LTBP1: variants seen among roughly 807,000 people sequenced by gnomAD.
The protein encoded by LTBP1 is latent transforming growth factor beta binding protein 1.
Under a neutral mutation model 207.6 loss-of-function variants are expected in LTBP1, and 129 were observed. The observed-to-expected ratio is 0.62, with a 90% CI of 0.54 to 0.72. The LOEUF (loss-of-function observed/expected upper bound fraction) is 0.72. Among genes scored for constraint, LTBP1 ranks in the 30% least tolerant of loss-of-function variants. The probability of loss-of-function intolerance (pLI) is 0.00; values close to 1 mark genes in which losing one functional copy is unlikely to be tolerated. For missense variants in LTBP1, 2,281 were observed against 2,217.2 expected (o/e 1.03, Z -0.58); for synonymous variants, 963 against 833.7 (o/e 1.16, Z -2.67).
intron 31 of LTBP1, among the ~76,000 whole-genome samples, chr2:33,379,550 C>G (rs2095188766): frequency 6.6e-6 from 1 of 152,162 alleles, no homozygotes; most frequent in Admixed American, 6.5e-5. Flanking sequence ...AATCTGTGAG[C>G]CCCTTCCAAA....
At chr2:33,322,967 T>C (rs774669751) in intron 24 of LTBP1, among the ~76,000 whole-genome samples, 4 of 152,236 alleles carry the variant, frequency 2.6e-5, no homozygotes, top group Non-Finnish European at 5.9e-5. Flanking sequence ...ACTCCATTGC[T>C]AGACTTTAAG....
chr2:33,167,461 A>G (rs923066709), intron 5 of LTBP1, among the ~76,000 whole-genome samples: 2 of 152,236 alleles, frequency 1.3e-5, no homozygotes, highest in Non-Finnish European at 2.9e-5. Flanking sequence ...AGGTCCAAAA[A>G]CTGTTTCTTT....
intron 3 of LTBP1, among the ~76,000 whole-genome samples, chr2:33,070,540 G>A (rs565709036): frequency 8.5e-5 from 13 of 152,300 alleles, no homozygotes; most frequent in East Asian, 7.7e-4. Context: ...TTTACTGTTC[G>A]GTGATTTTGT....
chr2:33,308,643 T>C (rs910948126), intron 22 of LTBP1, among the ~76,000 whole-genome samples: 1 of 152,226 alleles, frequency 6.6e-6, no homozygotes, highest in Non-Finnish European at 1.5e-5. Flanking sequence ...TTTGTGACAA[T>C]TCTTATGTTA....
chr2:33,004,179 G>GTT (rs944657565), intron 2 of LTBP1, among the ~76,000 whole-genome samples: 4 of 151,530 alleles, frequency 2.6e-5, no homozygotes, highest in African/African-American at 9.7e-5. Flanking sequence ...AGATGGAGCT[G>GTT]TTCCAACTTC....
chr2:33,092,977 G>T (rs1317253034), intron 3 of LTBP1, among the ~76,000 whole-genome samples: 1 of 152,142 alleles, frequency 6.6e-6, no homozygotes, highest in African/African-American at 2.4e-5. Context: ...GAATGTTTCA[G>T]TCACTTATAG....
chr2:32,957,329 T>C (rs1045547872), intron 2 of LTBP1, among the ~76,000 whole-genome samples: 2 of 152,194 alleles, frequency 1.3e-5, no homozygotes, highest in African/African-American at 4.8e-5. Flanking sequence ...CCTTCCTCAC[T>C]TAGCTTTTTA....
At chr2:33,206,193 C>G (rs2089857771) in intron 7 of LTBP1, among the ~76,000 whole-genome samples, 1 of 152,114 alleles carries the variant, frequency 6.6e-6, no homozygotes, top group Non-Finnish European at 1.5e-5. Context: ...ACCCAGGGAT[C>G]TAAATGAACC....
intron 5 of LTBP1, among the ~76,000 whole-genome samples, chr2:33,182,687 G>GAGATATATAATATATATATAT (rs1469125010): frequency 1.2e-4 from 8 of 67,032 alleles, no homozygotes; most frequent in Non-Finnish European, 1.9e-4. Flanking sequence ...AAAAGATGGT[G>GAGATATATAATATATATATAT]ATATATATAT....
chr2:33,167,107 T>C (rs567590224), intron 5 of LTBP1, among the ~76,000 whole-genome samples: 1 of 152,272 alleles, frequency 6.6e-6, no homozygotes, highest in South Asian at 2.1e-4. Flanking sequence ...TGCCTGAAAT[T>C]GCATTATTTA....
intron 11 of LTBP1, among the ~76,000 whole-genome samples, chr2:33,254,960 G>T (rs867150768): frequency 1.4e-4 from 19 of 135,736 alleles, no homozygotes; most frequent in African/African-American, 5.4e-4. Flanking sequence ...AAGTTTTAGG[G>T]TACATGTGCA....
chr2:33,220,589 A>G (rs575294760), intron 8 of LTBP1, among the ~76,000 whole-genome samples: 2 of 152,234 alleles, frequency 1.3e-5, no homozygotes, highest in Non-Finnish European at 2.9e-5. Context: ...TAAGCTGAGG[A>G]GGACTGTAAG....
chr2:32,997,527 C>G lies in LTBP1; in HGVS notation c.566-23382C>G, dbSNP rs1685471358. Among the ~76,000 whole-genome samples, 2 of 151,906 alleles carry G rather than the reference C, an allele frequency of 1.3e-5. 1 individual carries two copies. Among genetic ancestry groups the G allele is most frequent in the South Asian group, 4.2e-4 (2 of 4,808 alleles). On this transcript the variant is annotated intron_variant, in intron 2 of 33. Transcript: ENST00000404816. ...TTTAAAAAACAAAACAAAAGAAAAC[C>G]ACACACACATGCTATTCCTGAATCA...
intron 3 of LTBP1, among the ~76,000 whole-genome samples, chr2:33,077,445 G>A (rs1048462004): frequency 6.6e-6 from 1 of 152,164 alleles, no homozygotes; most frequent in Non-Finnish European, 1.5e-5. Context: ...TTCTGGGGAG[G>A]CCTCAGGAGC....
chr2:33,087,914 G>A (rs1003622190), intron 3 of LTBP1, among the ~76,000 whole-genome samples: 6 of 152,218 alleles, frequency 3.9e-5, no homozygotes, highest in African/African-American at 1.4e-4. Flanking sequence ...TATGGTGTCA[G>A]AGTAAAGATT....
At chr2:33,100,497 T>A (rs1294647642) in intron 3 of LTBP1, among the ~76,000 whole-genome samples, 1 of 152,130 alleles carries the variant, frequency 6.6e-6, no homozygotes, top group Non-Finnish European at 1.5e-5. Flanking sequence ...TCAAGGAATC[T>A]AGGGTATAAT....
chr2:33,146,096 T>C (rs903353661), intron 5 of LTBP1, among the ~76,000 whole-genome samples: 32 of 152,198 alleles, frequency 2.1e-4, no homozygotes, highest in Admixed American at 2.0e-3. Context: ...AAAGGACTAA[T>C]AGTGTCCAAT....
At chr2:33,207,165 C>G (rs1573182919) in intron 7 of LTBP1, among the ~76,000 whole-genome samples, 1 of 152,240 alleles carries the variant, frequency 6.6e-6, no homozygotes, top group East Asian at 1.9e-4. Flanking sequence ...GAAAAGATGT[C>G]AAGTAGAATC....
At chr2:33,091,837 T>C (rs1039095993) in intron 3 of LTBP1, among the ~76,000 whole-genome samples, 2 of 152,178 alleles carry the variant, frequency 1.3e-5, no homozygotes, top group Admixed American at 6.5e-5. Context: ...GGAAACTTTC[T>C]GAGCTTTTCT....
Sources: allele counts gnomAD v4.1 joint callset (sites outside exome capture counted in the v4.1 genomes callset), GRCh38; gene constraint gnomAD v4.1.1; transcripts MANE v1.5; gene names NCBI Gene and HGNC (gene_info 2026-07-23, HGNC 2026-07-21).